Variants in DCDC1 observed in about 807,000 individuals in gnomAD.
DCDC1 encodes the protein doublecortin domain-containing protein 1.
Under a neutral mutation model 178.3 loss-of-function variants are expected in DCDC1, and 200 were observed. The ratio of observed to expected loss-of-function variants is 1.12; its 90% confidence interval spans 1.00 to 1.26. The LOEUF is 1.26. Among genes scored for constraint, DCDC1 ranks in the 50% most tolerant of loss-of-function variants. The pLI, the probability that DCDC1 is intolerant of heterozygous loss-of-function variation, is 0.00. For missense variants in DCDC1, 1,983 were observed against 1,749.2 expected (o/e 1.13, Z -2.38); for synonymous variants, 690 against 604.8 (o/e 1.14, Z -2.07).
intron 34 of DCDC1, among the ~76,000 whole-genome samples, chr11:30,898,401 A>G (rs1944399248): frequency 6.6e-6 from 1 of 152,200 alleles, no homozygotes; most frequent in Admixed American, 6.5e-5. Context: ...ATAATGATAT[A>G]TAGCTGGAGA....
intron 9 of DCDC1, among the ~76,000 whole-genome samples, chr11:31,158,246 C>T (rs963896603): frequency 2.0e-5 from 3 of 151,802 alleles, no homozygotes; most frequent in Non-Finnish European, 4.4e-5. Context: ...GTAGCTGGGA[C>T]TACAGGCACC....
chr11:30,955,773 G>A (rs187899340), intron 20 of DCDC1, among the ~76,000 whole-genome samples: 145 of 152,216 alleles, frequency 9.5e-4, no homozygotes, highest in African/African-American at 3.3e-3. Context: ...ATGGTCCAGC[G>A]TCATAGCCAC....
chr11:31,263,109 G>C, intron 8 of DCDC1: 1 of 1,605,946 alleles, frequency 6.2e-7, no homozygotes, highest in Non-Finnish European at 8.5e-7. Flanking sequence ...ACCATATTTG[G>C]GAGGAGAAAA....
intron 11 of DCDC1, among the ~76,000 whole-genome samples, chr11:31,121,917 T>C (rs1174981876): frequency 5.3e-5 from 8 of 152,156 alleles, no homozygotes; most frequent in Admixed American, 5.2e-4. Context: ...AGTTCAGTTA[T>C]AAATGGAAAA....
At chr11:31,217,631 T>C (rs762798195) in intron 9 of DCDC1, among the ~76,000 whole-genome samples, 1 of 152,172 alleles carries the variant, frequency 6.6e-6, no homozygotes, top group African/African-American at 2.4e-5. Flanking sequence ...GTTTATCCAC[T>C]GAAACTATTC....
chr11:31,325,568 G>C (rs1032385363), intron 3 of DCDC1, among the ~76,000 whole-genome samples: 1 of 152,056 alleles, frequency 6.6e-6, no homozygotes, highest in African/African-American at 2.4e-5. Flanking sequence ...AGTGACAGCA[G>C]AGGAAACACA....
At chr11:31,047,008 C>T (rs1954884736) in intron 20 of DCDC1, among the ~76,000 whole-genome samples, 1 of 152,098 alleles carries the variant, frequency 6.6e-6, no homozygotes, top group Admixed American at 6.6e-5. Context: ...CCTTCTCTTC[C>T]ACAATGTCTT....
intron 8 of DCDC1, among the ~76,000 whole-genome samples, chr11:31,260,792 T>G (rs994750048): frequency 1.3e-5 from 2 of 152,148 alleles, no homozygotes; most frequent in Non-Finnish European, 2.9e-5. Context: ...TTGGAAATGT[T>G]AGGAGGAATG....
intron 20 of DCDC1, among the ~76,000 whole-genome samples, chr11:31,008,593 C>T (rs972760978): frequency 3.3e-5 from 5 of 152,146 alleles, no homozygotes; most frequent in Non-Finnish European, 7.4e-5. Flanking sequence ...AGACATTCCG[C>T]CTCAGTTTCT....
At chr11:31,290,597 C>T in intron 7 of DCDC1, 50 bp downstream of exon 7, 1 of 1,519,624 alleles carries the variant, frequency 6.6e-7, no homozygotes, top group Non-Finnish European at 8.9e-7. Flanking sequence ...TTTCAACAGC[C>T]ACAAAACTTT....
chr11:31,137,773 G>T lies in DCDC1; in HGVS notation c.1233C>A (p.Val411=). Residue 411 remains valine (V), a synonymous_variant, in exon 10 of 39, where the codon GTC becomes GTA. Transcript: ENST00000684477. The part of the protein sequence containing the change: ...AKKYYKQLNL[V]MNEQKEKITE... ...TAATTTTCTCCTTCTGTTCATTCAT[G>T]ACCAGGTTCAACTAGAAAAAACAAA... is the stretch of plus-strand genomic sequence containing the variant. 3 of 702,330 alleles carry T rather than the reference G, an allele frequency of 4.3e-6. No homozygotes were observed. The South Asian group carries it at 4.4e-5, about 10-fold the overall frequency. The allele number at this position is 702,330 out of a possible 1,614,324, so 43.5% of individuals were successfully genotyped here. A position where few individuals can be genotyped will look rare whatever the true frequency, so the allele number is the denominator to read the frequency against.
rs74876968 is a variant in DCDC1, at chr11:30,932,822, G to A, written c.2716-870C>T. 1.1e-3 allele frequency among the ~76,000 whole-genome samples: 171 copies of A among 152,256 alleles called. 1 individual carries two copies. Among genetic ancestry groups the A allele is most frequent in the African/African-American group, 3.8e-3 (158 of 41,558 alleles). ...TCAGACTTGAGGATTAATAGAATAT[G>A]ATGCTGGGGCAATAAAAGGAGGCAA... On this transcript the variant is annotated intron_variant, in intron 21 of 38. Transcript: ENST00000684477.
intron 6 of DCDC1, among the ~76,000 whole-genome samples, chr11:31,293,132 T>A (rs1356703571): frequency 2.6e-5 from 4 of 152,168 alleles, no homozygotes; most frequent in Admixed American, 6.5e-5. Flanking sequence ...CATATCGAAG[T>A]CATTCCATAA....
At chr11:30,885,246 A>T (rs1200431047) in intron 36 of DCDC1, among the ~76,000 whole-genome samples, 1 of 151,910 alleles carries the variant, frequency 6.6e-6, no homozygotes, top group East Asian at 1.9e-4. Flanking sequence ...AAAAAGGAAA[A>T]AAAAAAGGAA....
chr11:31,070,141 T>C (rs1956466851), intron 18 of DCDC1, among the ~76,000 whole-genome samples: 1 of 152,212 alleles, frequency 6.6e-6, no homozygotes, highest in Non-Finnish European at 1.5e-5. Flanking sequence ...TCCAGTCTAA[T>C]ACTTTAATAC....
intron 2 of DCDC1, 122 bp from the exon 3 acceptor site, chr11:31,328,408 T>C (rs1949763152): frequency 2.1e-6 from 2 of 950,084 alleles, no homozygotes; most frequent in South Asian, 2.7e-5. Flanking sequence ...ATAGCAATGA[T>C]TAAATGTGAA....
At chr11:31,101,938 A>G (rs1398567607) in intron 15 of DCDC1, among the ~76,000 whole-genome samples, 1 of 152,100 alleles carries the variant, frequency 6.6e-6, no homozygotes, top group Non-Finnish European at 1.5e-5. Context: ...TTAGCCAGGC[A>G]TGGTGGCGCG....
At chr11:31,324,664 C>T (rs1278835952) in intron 3 of DCDC1, among the ~76,000 whole-genome samples, 1 of 152,120 alleles carries the variant, frequency 6.6e-6, no homozygotes, top group East Asian at 1.9e-4. Flanking sequence ...ACTCATTCCA[C>T]GGTGGGAATC....
intron 20 of DCDC1, among the ~76,000 whole-genome samples, chr11:31,034,791 A>G (rs1036094014): frequency 1.9e-4 from 29 of 152,228 alleles, no homozygotes; most frequent in Non-Finnish European, 4.1e-4. Flanking sequence ...GTAGAAAGTT[A>G]TCTTGTCATG....
Sources: allele counts gnomAD v4.1 joint callset (sites outside exome capture counted in the v4.1 genomes callset), GRCh38; gene constraint gnomAD v4.1.1; transcripts MANE v1.5; gene names NCBI Gene and HGNC (gene_info 2026-07-23, HGNC 2026-07-21).